The following TMEM163 variants were observed in gnomAD, a reference collection of about 807,000 sequenced individuals.
TMEM163 encodes transmembrane protein 163.
In TMEM163, 17 loss-of-function variants were observed where a neutral mutation model predicts 29.3. The ratio of observed to expected loss-of-function variants is 0.58; its 90% CI spans 0.40 to 0.87. TMEM163 has a LOEUF of 0.87. TMEM163 is among the 40% of genes least tolerant of loss of function. The pLI, the probability that TMEM163 is intolerant of heterozygous loss-of-function variation, is 0.00. For synonymous variants in TMEM163, 157 were observed against 160.6 expected, an observed-to-expected ratio of 0.98 and a Z score of 0.17; for missense variants, 303 against 381.5, an observed-to-expected ratio of 0.79 and a Z score of 1.71.
At chr2:134,519,707 G>C (rs1279035065) in intron 4 of TMEM163, among the ~76,000 whole-genome samples, 1 of 150,160 alleles carries the variant, frequency 6.7e-6, no homozygotes, top group Non-Finnish European at 1.5e-5. Context: ...GTGAGATTCC[G>C]TGTCAAAAAT....
intron 5 of TMEM163, among the ~76,000 whole-genome samples, chr2:134,501,771 G>A (rs974987162): frequency 2.0e-5 from 3 of 152,122 alleles, no homozygotes; most frequent in Admixed American, 6.6e-5. Flanking sequence ...ATATTTGTTC[G>A]GGCTATCTCT....
chr2:134,523,763 A>G (rs1680235420), intron 4 of TMEM163, among the ~76,000 whole-genome samples: 1 of 152,170 alleles, frequency 6.6e-6, no homozygotes, highest in Non-Finnish European at 1.5e-5. Flanking sequence ...GGGGTCCTGA[A>G]ACCCAGCCTT....
At chr2:134,713,533 C>T (rs755870869) in intron 1 of TMEM163, 5 of 710,090 alleles carry the variant, frequency 7.0e-6, no homozygotes, top group African/African-American at 3.5e-5. Flanking sequence ...CAATATGGGC[C>T]GTGTATTTCT....
At chr2:134,674,909 C>A (rs1684082136) in intron 2 of TMEM163, among the ~76,000 whole-genome samples, 1 of 152,166 alleles carries the variant, frequency 6.6e-6, no homozygotes, top group African/African-American at 2.4e-5. Context: ...CTACTTATCT[C>A]AAAACAATTA....
intron 2 of TMEM163, among the ~76,000 whole-genome samples, chr2:134,562,080 CT>C (rs1196581075): frequency 6.6e-6 from 1 of 152,168 alleles, no homozygotes; most frequent in African/African-American, 2.4e-5. Context: ...TGTTAAATAC[CT>C]GTGAGGTTGC....
chr2:134,542,768 A>C (rs1558939477), intron 4 of TMEM163, among the ~76,000 whole-genome samples: 1 of 152,170 alleles, frequency 6.6e-6, no homozygotes, highest in African/African-American at 2.4e-5. Flanking sequence ...GGAGGCTACA[A>C]GTCCGAAATC....
rs10639023 is a variant in TMEM163 at position 134,511,153 on chromosome 2, C to CGGGGG, written c.459-8161_459-8157dup. ...AAGCAGAAAAAAGGGGAGAACAAGG[C>CGGGGG]GGGGGGGGGTGCTGTTACTTTATAT... is the stretch of plus-strand genomic sequence containing the variant. On this transcript the variant is annotated intron_variant, in intron 4 of 7. Transcript: ENST00000281924. 4.8e-3 allele frequency among the ~76,000 whole-genome samples: 581 copies of CGGGGG among 122,234 alleles called. 17 individuals carry two copies. Among genetic ancestry groups the CGGGGG allele is most frequent in the African/African-American group, 0.021 (557 of 26,892 alleles). The allele number at this position is 122,234 out of a possible 152,430, so 80.2% of individuals were successfully genotyped here.
chr2:134,493,295 G>A (rs1679469676), intron 5 of TMEM163, among the ~76,000 whole-genome samples: 1 of 146,940 alleles, frequency 6.8e-6, no homozygotes, highest in Admixed American at 6.8e-5. Context: ...TGTCTTGGAA[G>A]AGCAAAAGTT....
At chr2:134,615,766 C>T (rs1173125390) in intron 2 of TMEM163, among the ~76,000 whole-genome samples, 1 of 150,938 alleles carries the variant, frequency 6.6e-6, no homozygotes, top group Non-Finnish European at 1.5e-5. Flanking sequence ...AAGTGATTCT[C>T]CTGCCTCAGC....
intron 2 of TMEM163, among the ~76,000 whole-genome samples, chr2:134,634,787 T>A (rs979102950): frequency 6.6e-6 from 1 of 152,262 alleles, no homozygotes; most frequent in Non-Finnish European, 1.5e-5. Context: ...CAAATCTCAA[T>A]AAAACTTTAT....
intron 5 of TMEM163, among the ~76,000 whole-genome samples, chr2:134,475,809 A>C (rs1032579844): frequency 6.6e-6 from 1 of 152,256 alleles, no homozygotes; most frequent in Admixed American, 6.5e-5. Flanking sequence ...AGAATCACCA[A>C]AATTAAAAAA....
chr2:134,471,435 G>A (rs1470991035), intron 5 of TMEM163, among the ~76,000 whole-genome samples: 1 of 152,186 alleles, frequency 6.6e-6, no homozygotes, highest in Non-Finnish European at 1.5e-5. Flanking sequence ...CAGTGAGAAG[G>A]CAGCCATCTG....
intron 2 of TMEM163, among the ~76,000 whole-genome samples, chr2:134,558,521 G>A (rs930606224): frequency 2.0e-5 from 3 of 152,186 alleles, no homozygotes; most frequent in Non-Finnish European, 4.4e-5. Context: ...AAAGACAGCT[G>A]GAAAATGGAC....
intron 2 of TMEM163, among the ~76,000 whole-genome samples, chr2:134,635,603 G>A (rs1051796072): frequency 1.3e-5 from 2 of 152,102 alleles, no homozygotes; most frequent in East Asian, 1.9e-4. Flanking sequence ...AATGACTCCC[G>A]TCTTACCAGA....
chr2:134,698,152 C>G (rs1391419510), intron 2 of TMEM163, among the ~76,000 whole-genome samples: 1 of 152,166 alleles, frequency 6.6e-6, no homozygotes, highest in South Asian at 2.1e-4. Flanking sequence ...TGCCCTCCAC[C>G]CAGTAGATAC....
At chr2:134,465,337 A>C (rs757274092) in intron 6 of TMEM163, among the ~76,000 whole-genome samples, 2 of 152,174 alleles carry the variant, frequency 1.3e-5, no homozygotes. Context: ...AAGAATCCAC[A>C]TATTTCTGCT....
intron 2 of TMEM163, among the ~76,000 whole-genome samples, chr2:134,577,856 A>G (rs1027905630): frequency 3.3e-5 from 5 of 152,218 alleles, no homozygotes; most frequent in African/African-American, 1.2e-4. Context: ...AAAACACAGC[A>G]TAACAACTAT....
intron 4 of TMEM163, among the ~76,000 whole-genome samples, chr2:134,515,806 T>C (rs1040972246): frequency 2.6e-5 from 4 of 152,200 alleles, no homozygotes; most frequent in Admixed American, 6.5e-5. Flanking sequence ...AAAGTAATAA[T>C]AGTAAGAAGA....
At chr2:134,656,065 G>A (rs1176339480) in intron 2 of TMEM163, among the ~76,000 whole-genome samples, 1 of 144,580 alleles carries the variant, frequency 6.9e-6, no homozygotes, top group Non-Finnish European at 1.5e-5. Flanking sequence ...TTGAGCTGTG[G>A]TGGGCTCCAC....
Sources: allele counts gnomAD v4.1 joint callset (sites outside exome capture counted in the v4.1 genomes callset), GRCh38; gene constraint gnomAD v4.1.1; transcripts MANE v1.5; gene names NCBI Gene and HGNC (gene_info 2026-07-23, HGNC 2026-07-21).